Variants in ICE2 observed in about 807,000 individuals in gnomAD.
ICE2 encodes the protein interactor of little elongation complex ELL subunit 2, also known as little elongation complex subunit 2.
ICE2 carries 87 observed loss-of-function variants against 105.4 expected under a neutral mutation model. The observed-to-expected ratio is 0.83, with a 90% CI of 0.69 to 0.99. The LOEUF (loss-of-function observed/expected upper bound fraction) is 0.99. Among genes scored for constraint, ICE2 ranks in the 50% least tolerant of loss-of-function variants. The pLI is 0.00. For synonymous variants in ICE2, 399 were observed against 392.0 expected (o/e 1.02, Z -0.21); for missense variants, 1,323 against 1,146.7 (o/e 1.15, Z -2.22).
In ICE2 at chr15:60,435,830, G is replaced by T. The variant is rs1478204493; in HGVS notation, c.2510+313C>A. On this transcript the variant is annotated intron_variant, in intron 13 of 15. Coordinates refer to ENST00000261520, the MANE Select transcript of ICE2 (RefSeq NM_024611.6). The stretch of plus-strand genomic sequence containing the variant: ...GTCTCCACAAAAAATACAAAAATGA[G>T]CTGGGCATGCTGGTGCACACCTGTA... 4.6e-5 allele frequency among the ~76,000 whole-genome samples: 7 copies of T among 152,064 alleles called. No individual in the cohort carries two copies. The East Asian group carries it at 1.4e-3, about 29-fold the overall frequency.
chr15:60,453,096 G>A, intron 9 of ICE2: 1 of 591,124 alleles, frequency 1.7e-6, no homozygotes, highest in Non-Finnish European at 2.1e-6. Flanking sequence ...GCTGGGTATG[G>A]TGGTGCACAC....
intron 12 of ICE2, chr15:60,440,265 G>A (rs2063690758): frequency 6.6e-6 from 1 of 152,122 alleles, no homozygotes; most frequent in Admixed American, 6.5e-5. Context: ...GTTAATACAC[G>A]GTCATAACTA....
chr15:60,444,160 C>A (rs138772675), intron 11 of ICE2, among the ~76,000 whole-genome samples: 9 of 151,934 alleles, frequency 5.9e-5, no homozygotes, highest in Admixed American at 3.3e-4. Flanking sequence ...TACAGCAGAA[C>A]TGAAAAAAGT....
intron 11 of ICE2, among the ~76,000 whole-genome samples, chr15:60,447,320 G>GA (rs1476546726): frequency 6.6e-6 from 1 of 152,134 alleles, no homozygotes; most frequent in Non-Finnish European, 1.5e-5. Flanking sequence ...AATTCCCAGA[G>GA]AAAACAGGTA....
chr15:60,467,958 T>C, intron 4 of ICE2, 103 bp downstream of exon 4: 1 of 1,103,770 alleles, frequency 9.1e-7, no homozygotes, highest in South Asian at 2.0e-5. Flanking sequence ...GTTTTCCATT[T>C]TAAAAAAAAT....
intron 9 of ICE2, chr15:60,452,186 T>C: frequency 2.1e-6 from 2 of 959,478 alleles, no homozygotes; most frequent in Non-Finnish European, 2.5e-6. Context: ...AAGTTAAAAA[T>C]GCTTTATGAC....
chr15:60,469,685 TC>T (rs1445358550), intron 3 of ICE2, among the ~76,000 whole-genome samples: 1 of 152,198 alleles, frequency 6.6e-6, no homozygotes, highest in Non-Finnish European at 1.5e-5. Flanking sequence ...ATCTTTGTCC[TC>T]CTTTACCTCC....
At chr15:60,441,098 C>T (rs776695189) in intron 12 of ICE2, 1 of 151,972 alleles carries the variant, frequency 6.6e-6, no homozygotes, top group Non-Finnish European at 1.5e-5. Flanking sequence ...TTTAACTGGG[C>T]CTTTTCTAAA....
intron 9 of ICE2, 34 bp downstream of exon 9, chr15:60,453,569 A>AAAAGGAATG: frequency 6.2e-7 from 1 of 1,603,866 alleles, no homozygotes. Context: ...AAACAAGTAC[A>AAAAGGAATG]TTCCCCTTAG....
chr15:60,436,210 TA>T lies in ICE2; in HGVS notation c.2442del (p.Phe814LeufsTer16). 1.4e-6 allele frequency: 2 copies of T among 1,418,394 alleles called. No individual in the cohort carries two copies. The highest frequency in any genetic ancestry group is 1.9e-6 in the Non-Finnish European group (2 of 1,050,500). The allele number at this position is 1,418,394 out of a possible 1,614,324, so 87.9% of individuals were successfully genotyped here. On this transcript the variant is annotated frameshift_variant, in exon 13 of 16. Coordinates refer to ENST00000261520, the MANE Select transcript of ICE2 (RefSeq NM_024611.6). LOFTEE classifies it high-confidence loss of function. Reference protein sequence around the residue: ...SSFYVGHIDAFTSKLFLLEEI... With the variant: ...SSFYVGHIDAXTSKLFLLEEI... ...TCTTCCAGTAGAAAAAGTTTTGAAG[TA>T]AATGCATCGATATGCCCTAAAATAA...
At chr15:60,474,621 T>C (rs2064703211) in intron 3 of ICE2, among the ~76,000 whole-genome samples, 1 of 152,220 alleles carries the variant, frequency 6.6e-6, no homozygotes, top group South Asian at 2.1e-4. Context: ...TTAATTAATT[T>C]ACATTTAAGT....
At chr15:60,460,912 C>T (rs1485463350) in intron 5 of ICE2, among the ~76,000 whole-genome samples, 1 of 152,120 alleles carries the variant, frequency 6.6e-6, no homozygotes, top group Non-Finnish European at 1.5e-5. Context: ...ACTGTAAGCC[C>T]TTTAGATTAG....
At chr15:60,427,825 G>A (rs1050674112) in intron 15 of ICE2, among the ~76,000 whole-genome samples, 1 of 152,180 alleles carries the variant, frequency 6.6e-6, no homozygotes. Context: ...ATAAGCTTCA[G>A]ATAATGTCAT....
intron 9 of ICE2, among the ~76,000 whole-genome samples, chr15:60,450,045 A>G (rs562596696): frequency 1.4e-4 from 22 of 152,340 alleles, no homozygotes; most frequent in Non-Finnish European, 2.9e-4. Context: ...TATGTTCATG[A>G]TAACAGGCAA....
intron 5 of ICE2, among the ~76,000 whole-genome samples, chr15:60,458,958 G>A (rs1054992870): frequency 1.4e-4 from 22 of 152,192 alleles, no homozygotes; most frequent in Non-Finnish European, 2.9e-4. Flanking sequence ...CTGAGGGGAA[G>A]AGGAAACAGG....
At chr15:60,452,923 T>C (rs2063999531) in intron 9 of ICE2, 1 of 985,324 alleles carries the variant, frequency 1.0e-6, no homozygotes, top group African/African-American at 1.7e-5. Flanking sequence ...CCTGTTCCTT[T>C]TCACACTTAA....
chr15:60,465,700 A>ATG (rs1483452320), intron 5 of ICE2, among the ~76,000 whole-genome samples: 2 of 147,102 alleles, frequency 1.4e-5, no homozygotes, highest in African/African-American at 5.0e-5. Context: ...TACTACAAAT[A>ATG]TGTGTGTGTG....
Position 60,456,610 on chromosome 15 carries a change from C to CACACACACACA in ICE2, c.666+46_666+47insTGTGTGTGTGT, listed in dbSNP as rs751552619. The CACACACACACA allele has an allele frequency of 4.9e-6, 5 of 1,017,802 alleles. No homozygotes were observed. In the East Asian group the frequency reaches 1.6e-4, roughly 32 times the overall value. 63.0% of individuals were successfully genotyped at this position (1,017,802 alleles called of 1,614,324 possible). On this transcript the variant is annotated intron_variant, in intron 6 of 15. Transcript: ENST00000261520. Reference sequence around the variant, plus strand: ...ACACACACACACACACACACACACACTATTTCAGACAAAAAAAAGCTTATA... The same window carrying CACACACACACA: ...ACACACACACACACACACACACACACACACACACACATATTTCAGACAAAAAAAAGCTTATA...
chr15:60,423,543 C>T lies in ICE2; in HGVS notation c.*91G>A, dbSNP rs2063271082. The T allele has an allele frequency of 8.0e-7, 1 of 1,247,320 alleles. No individual in the cohort carries two copies. Among genetic ancestry groups the T allele is most frequent in the African/African-American group, 1.6e-5 (1 of 63,932 alleles). 77.3% of individuals were successfully genotyped at this position (1,247,320 alleles called of 1,614,324 possible). A position where few individuals can be genotyped will look rare whatever the true frequency, so the allele number is the denominator to read the frequency against. ...TCTAGCTACTACAGGAAAAATGTTC[C>T]TCTTGCCTACTGATTATTTTCCCTC... is the stretch of plus-strand genomic sequence containing the variant. On this transcript the variant is annotated 3_prime_UTR_variant, in exon 16 of 16. Coordinates refer to ENST00000261520, the MANE Select transcript of ICE2 (RefSeq NM_024611.6).
Sources: allele counts gnomAD v4.1 joint callset (sites outside exome capture counted in the v4.1 genomes callset), GRCh38; gene constraint gnomAD v4.1.1; transcripts MANE v1.5; gene names NCBI Gene and HGNC (gene_info 2026-07-23, HGNC 2026-07-21).